The following TTLL11 variants were observed in gnomAD, a reference collection of about 807,000 sequenced individuals.
TTLL11 encodes the protein tubulin tyrosine ligase like 11.
Under a neutral mutation model 51.7 loss-of-function variants are expected in TTLL11, and 42 were observed. The ratio of observed to expected loss-of-function variants is 0.81; its 90% confidence interval spans 0.64 to 1.05. TTLL11 has a LOEUF of 1.05. TTLL11 is among the 50% of genes least tolerant of loss of function. TTLL11 has a pLI of 0.00. For synonymous variants in TTLL11, 381 were observed against 383.5 expected (o/e 0.99, Z 0.08); for missense variants, 799 against 940.4 (o/e 0.85, Z 1.97).
In TTLL11 at chr9:121,897,640, A is replaced by ACACACACACACACACACGCG. The variant is rs111331446; in HGVS notation, c.1482-26893_1482-26892insCGCGTGTGTGTGTGTGTGTG. Among the ~76,000 whole-genome samples the ACACACACACACACACACGCG allele has an allele frequency of 1.5e-3, 205 of 139,374 alleles. 1 individual carries two copies. The highest frequency in any genetic ancestry group is 1.9e-3 in the African/African-American group (71 of 37,666). 91.4% of individuals were successfully genotyped at this position (139,374 alleles called of 152,430 possible). A position where few individuals can be genotyped will look rare whatever the true frequency, so the allele number is the denominator to read the frequency against. On this transcript the variant is annotated intron_variant, in intron 6 of 8. Transcript: ENST00000321582. Reference sequence around the variant, plus strand: ...CAGGCACACACACACACACACACACACGCGCGCGCGAAGTCTCCAACTGCC... The same window carrying ACACACACACACACACACGCG: ...CAGGCACACACACACACACACACACACACACACACACACACACGCGCGCGCGCGCGAAGTCTCCAACTGCC...
chr9:121,944,850 G>A (rs7857227), intron 6 of TTLL11, among the ~76,000 whole-genome samples: 12,906 of 152,126 alleles, frequency 0.085, 858 homozygotes, highest in African/African-American at 0.18. Flanking sequence ...GCAAAATCCC[G>A]TGAGAAATCG....
At chr9:121,999,952 G>A (rs1398736992) in intron 3 of TTLL11, among the ~76,000 whole-genome samples, 2 of 151,956 alleles carry the variant, frequency 1.3e-5, no homozygotes, top group Admixed American at 1.3e-4. Flanking sequence ...TCATCTTCAG[G>A]TCCACATATC....
intron 1 of TTLL11, among the ~76,000 whole-genome samples, chr9:122,063,731 T>C (rs182784198): frequency 6.6e-6 from 1 of 152,374 alleles, no homozygotes; most frequent in African/African-American, 2.4e-5. Context: ...AAGAATATGA[T>C]GGCCAACCAA....
chr9:122,019,422 C>T (rs951736256), intron 3 of TTLL11, among the ~76,000 whole-genome samples: 8 of 152,270 alleles, frequency 5.3e-5, no homozygotes, highest in Admixed American at 3.9e-4. Context: ...CTTCTCAAAT[C>T]TCATCTGGGG....
chr9:121,849,637 G>A (rs4339708), intron 8 of TTLL11, among the ~76,000 whole-genome samples: 106,460 of 152,112 alleles, frequency 0.7, 38,086 homozygotes, highest in African/African-American at 0.85. Flanking sequence ...ACAAATAAGC[G>A]TATGTAAAGA....
chr9:121,837,631 C>T (rs7858385), intron 8 of TTLL11, among the ~76,000 whole-genome samples: 103,356 of 151,990 alleles, frequency 0.68, 35,710 homozygotes, highest in African/African-American at 0.8. Flanking sequence ...CATCAACCAG[C>T]CCTGGGATCT....
intron 6 of TTLL11, among the ~76,000 whole-genome samples, chr9:121,965,700 T>C (rs1842379496): frequency 6.6e-6 from 1 of 152,344 alleles, no homozygotes; most frequent in African/African-American, 2.4e-5. Flanking sequence ...AGAAAGATCA[T>C]GTTCTGTGCT....
chr9:121,958,562 C>T (rs1052289397), intron 6 of TTLL11, among the ~76,000 whole-genome samples: 1 of 152,128 alleles, frequency 6.6e-6, no homozygotes, highest in East Asian at 1.9e-4. Flanking sequence ...CCTCCAGCAC[C>T]TCACAGAGGT....
intron 1 of TTLL11, among the ~76,000 whole-genome samples, chr9:122,064,569 T>C (rs1402332931): frequency 1.3e-5 from 2 of 152,180 alleles, no homozygotes; most frequent in Non-Finnish European, 2.9e-5. Context: ...TGAAACAAAT[T>C]AGACTCTGAG....
intron 7 of TTLL11, among the ~76,000 whole-genome samples, chr9:121,863,218 G>A (rs905682311): frequency 2.0e-5 from 3 of 152,288 alleles, no homozygotes; most frequent in South Asian, 2.1e-4. Context: ...AGGTTTTCAC[G>A]TCACTTGTCA....
chr9:121,924,236 T>G (rs1002193003), intron 6 of TTLL11, among the ~76,000 whole-genome samples: 10 of 152,388 alleles, frequency 6.6e-5, no homozygotes, highest in Admixed American at 5.9e-4. Context: ...TCTTTCATGC[T>G]TTCAGTACTC....
In TTLL11 at chr9:122,078,091, G is replaced by T. The variant is rs539130384; in HGVS notation, c.462+14596C>A. On this transcript the variant is annotated intron_variant, in intron 1 of 8. Coordinates refer to ENST00000321582, the MANE Select transcript of TTLL11 (RefSeq NM_001139442.2). ...ACTCATAGGTGTAGCTAAAGCAGTAGTTAGAGGCAAATTTGTAGTCTTGAG... is the reference window on the plus strand; with the variant it reads ...ACTCATAGGTGTAGCTAAAGCAGTATTTAGAGGCAAATTTGTAGTCTTGAG... 1.3e-3 allele frequency among the ~76,000 whole-genome samples: 198 copies of T among 152,224 alleles called. 1 individual carries two copies. Among genetic ancestry groups the T allele is most frequent in the African/African-American group, 4.6e-3 (192 of 41,502 alleles).
At chr9:121,895,876 C>T (rs1839490247) in intron 6 of TTLL11, among the ~76,000 whole-genome samples, 1 of 31,804 alleles carries the variant, frequency 3.1e-5, no homozygotes, top group Admixed American at 3.4e-4. Flanking sequence ...GTTTGTGTGA[C>T]TGTGTGTCAT....
chr9:121,990,778 G>A (rs922989333), intron 3 of TTLL11, among the ~76,000 whole-genome samples: 1 of 152,118 alleles, frequency 6.6e-6, no homozygotes, highest in Admixed American at 6.5e-5. Context: ...TTTGAAACAA[G>A]ATCCCGTCGT....
chr9:121,831,679 A>AAG (rs199999480), intron 8 of TTLL11, among the ~76,000 whole-genome samples: 13,647 of 147,904 alleles, frequency 0.092, 1,139 homozygotes, highest in African/African-American at 0.23. Context: ...CAGCCTGGGC[A>AAG]AGAGAGAGAG....
chr9:121,825,415 G>C (rs142122697), intron 8 of TTLL11, among the ~76,000 whole-genome samples: 1 of 152,174 alleles, frequency 6.6e-6, no homozygotes, highest in East Asian at 1.9e-4. Context: ...AAGATAAGGC[G>C]CTTGGGCCAG....
chr9:121,881,235 G>A (rs1288816338), intron 6 of TTLL11, among the ~76,000 whole-genome samples: 1 of 152,170 alleles, frequency 6.6e-6, no homozygotes, highest in Non-Finnish European at 1.5e-5. Flanking sequence ...AAGCATTTTA[G>A]TGTTTAAACA....
At chr9:121,926,882 G>A (rs900038670) in intron 6 of TTLL11, among the ~76,000 whole-genome samples, 3 of 152,194 alleles carry the variant, frequency 2.0e-5, no homozygotes, top group East Asian at 3.8e-4. Context: ...CTGGAAGTCC[G>A]AGCTCACAGG....
chr9:121,987,762 C>G (rs1842974592), intron 4 of TTLL11, among the ~76,000 whole-genome samples: 1 of 152,104 alleles, frequency 6.6e-6, no homozygotes, highest in South Asian at 2.1e-4. Context: ...GGCCTCCTTT[C>G]CTGGCTCCCT....
Sources: gnomAD v4.1 joint callset for allele counts (sites outside exome capture counted in the v4.1 genomes callset) on GRCh38, gnomAD v4.1.1 for gene constraint, MANE v1.5 for transcripts, NCBI Gene and HGNC (gene_info 2026-07-23, HGNC 2026-07-21) for gene names.